Variants in PDXDC1 observed in about 807,000 individuals in gnomAD.
The protein encoded by PDXDC1 is pyridoxal dependent decarboxylase domain containing 1.
Under a neutral mutation model 100.1 loss-of-function variants are expected in PDXDC1, and 42 were observed. The ratio of observed to expected loss-of-function variants is 0.42; its 90% CI spans 0.33 to 0.54. The LOEUF (loss-of-function observed/expected upper bound fraction) is 0.54, where lower values mean the gene tolerates loss of function less well. Among genes scored for constraint, PDXDC1 ranks in the 20% least tolerant of loss-of-function variants. PDXDC1 has a pLI of 0.10. For missense variants in PDXDC1, 636 were observed against 979.2 expected (o/e 0.65, Z 4.68); for synonymous variants, 260 against 371.7 (o/e 0.70, Z 3.46).
chr16:14,995,219 C>A (rs1236937264), intron 1 of PDXDC1, among the ~76,000 whole-genome samples: 1 of 152,276 alleles, frequency 6.6e-6, no homozygotes, highest in Admixed American at 6.5e-5. Context: ...TGTCTTGTGC[C>A]AGTTTTCAAA....
chr16:15,050,095 G>A (rs2044238421), intron 16 of PDXDC1, among the ~76,000 whole-genome samples: 1 of 152,044 alleles, frequency 6.6e-6, no homozygotes, highest in Non-Finnish European at 1.5e-5. Flanking sequence ...AAAACAAAAT[G>A]GATAAGGCAA....
At chr16:15,070,999 T>C in intron 16 of PDXDC1, 1 of 765,254 alleles carries the variant, frequency 1.3e-6, no homozygotes, top group Non-Finnish European at 2.1e-6. Flanking sequence ...TTGCACAGAG[T>C]AGGGATTTTA....
At chr16:15,081,539 T>C (rs1015086811) in intron 16 of PDXDC1, among the ~76,000 whole-genome samples, 1 of 152,218 alleles carries the variant, frequency 6.6e-6, no homozygotes, top group African/African-American at 2.4e-5. Flanking sequence ...TATTTGCCCT[T>C]TTATTATTCA....
At position 15,037,801 on chromosome 16, in the gene PDXDC1, A is replaced by AAAAAAACTGGACATC. The variant is rs2043575662; in HGVS notation, c.*1529_*1543dup. ...CCTCTGCCCGTTATTACCGACCAAA[A>AAAAAAACTGGACATC]AAAAAACTGGACATCAATTTTTTAG... On this transcript the variant is annotated 3_prime_UTR_variant, in exon 23 of 23. Transcript: ENST00000396410. 4 of 451,004 alleles carry AAAAAAACTGGACATC rather than the reference A, an allele frequency of 8.9e-6. No individual in the cohort carries two copies. In the South Asian group the frequency reaches 1.7e-4, roughly 19 times the overall value. The allele number at this position is 451,004 out of a possible 1,614,324, so 27.9% of individuals were successfully genotyped here.
intron 16 of PDXDC1, chr16:15,083,897 G>A (rs1213117460): frequency 4.9e-5 from 14 of 287,594 alleles, no homozygotes; most frequent in Non-Finnish European, 8.0e-5. Flanking sequence ...TGTATTTTTA[G>A]TAGAGACGGG....
intron 16 of PDXDC1, chr16:15,135,415 C>A: frequency 1.5e-6 from 2 of 1,322,210 alleles, no homozygotes; most frequent in Non-Finnish European, 2.1e-6. Flanking sequence ...TCAGCGCACA[C>A]CCGCCAGCCT....
chr16:15,124,694 C>T (rs548286749), intron 16 of PDXDC1, among the ~76,000 whole-genome samples: 1 of 151,746 alleles, frequency 6.6e-6, no homozygotes, highest in Non-Finnish European at 1.5e-5. Context: ...ACAGTTTGAA[C>T]CCGGGAGGCA....
intron 16 of PDXDC1, among the ~76,000 whole-genome samples, chr16:15,075,394 G>T (rs1221194805): frequency 6.6e-6 from 1 of 152,074 alleles, no homozygotes; most frequent in Non-Finnish European, 1.5e-5. Context: ...GCAACACAGT[G>T]AGACCTGTCT....
At chr16:15,097,948 T>A (rs2046415415) in intron 16 of PDXDC1, among the ~76,000 whole-genome samples, 1 of 141,588 alleles carries the variant, frequency 7.1e-6, no homozygotes, top group African/African-American at 2.6e-5. Flanking sequence ...CTTTTTTTTT[T>A]TTTTTTTTTT....
intron 16 of PDXDC1, chr16:15,086,487 C>G (rs961578292): frequency 6.2e-6 from 10 of 1,609,298 alleles, no homozygotes; most frequent in African/African-American, 1.3e-5. Context: ...TTCAAAATCA[C>G]AAATCCTCTA....
At chr16:15,061,566 C>T (rs1773718823) in intron 16 of PDXDC1, 1 of 499,652 alleles carries the variant, frequency 2.0e-6, no homozygotes, top group African/African-American at 1.9e-5. Context: ...GGAACAACAA[C>T]AACAAAAAAA....
rs1195541735 is a variant in PDXDC1 at position 15,124,598 on chromosome 16, C to A, written c.1400-14281C>A. Reference sequence around the variant, plus strand: ...GACCAGCCTGGCCAATATGGTGAAACCCTGTGTCTAATAAAATACAAAAAT... The same window carrying A: ...GACCAGCCTGGCCAATATGGTGAAAACCTGTGTCTAATAAAATACAAAAAT... On this transcript the variant is annotated intron_variant, in intron 16 of 16. Transcript: ENST00000535621. Among the ~76,000 whole-genome samples the A allele has an allele frequency of 5.4e-5, 8 of 147,374 alleles. No homozygotes were observed. In the South Asian group the frequency reaches 1.5e-3, roughly 28 times the overall value.
At chr16:14,992,754 A>AAT (rs1971118302) in intron 1 of PDXDC1, among the ~76,000 whole-genome samples, 1 of 152,284 alleles carries the variant, frequency 6.6e-6, no homozygotes, top group Non-Finnish European at 1.5e-5. Flanking sequence ...GTCGTTTATT[A>AAT]GCTCTATGGC....
chr16:15,074,069 T>C (rs2045349459), intron 16 of PDXDC1, among the ~76,000 whole-genome samples: 1 of 152,220 alleles, frequency 6.6e-6, no homozygotes, highest in Admixed American at 6.5e-5. Context: ...TTCAAAATGC[T>C]CACAATGGTT....
intron 16 of PDXDC1, chr16:15,091,276 G>C (rs374371295): frequency 6.2e-7 from 1 of 1,603,864 alleles, no homozygotes; most frequent in African/African-American, 1.3e-5. Flanking sequence ...GTATACAGTG[G>C]CAATAATTTT....
chr16:15,146,500 G>A, the PDXDC1 span, among the ~76,000 whole-genome samples: 1,249 of 152,174 alleles, frequency 8.2e-3, 27 homozygotes, highest in African/African-American at 0.028. Flanking sequence ...ACACCAGAAC[G>A]CGTCAAAAGG....
intron 16 of PDXDC1, chr16:15,061,500 A>C (rs1452710689): frequency 2.5e-6 from 1 of 401,176 alleles, no homozygotes; most frequent in Admixed American, 4.3e-5. Context: ...TTCCAAATGT[A>C]TCATCAACCC....
rs774233524 is a variant in PDXDC1 at position 15,036,766 on chromosome 16, G to T, written c.*491G>T. ...GGACTGCTAGACTTGAAGGAGAGCA[G>T]TGATTGTGGGATTGTAAATAAGAGC... On this transcript the variant is annotated 3_prime_UTR_variant, in exon 23 of 23. Coordinates refer to ENST00000396410, the MANE Select transcript of PDXDC1 (RefSeq NM_015027.4). The T allele has an allele frequency of 6.2e-6, 1 of 162,204 alleles. No homozygotes were observed. Among genetic ancestry groups the T allele is most frequent in the Non-Finnish European group, 1.4e-5 (1 of 73,286 alleles). 10.0% of individuals were successfully genotyped at this position (162,204 alleles called of 1,614,324 possible).
In PDXDC1 at chr16:15,093,118, C is replaced by T. The variant is rs1356925449; in HGVS notation, c.1400-45761C>T. On this transcript the variant is annotated intron_variant, in intron 16 of 16. Coordinates refer to the PDXDC1 transcript ENST00000535621. The stretch of plus-strand genomic sequence containing the variant: ...CTCCCGGGTTCAAGCAATTATCCTG[C>T]CTCAGCCTCCTGAGTAGCTGGGATT... 2.0e-5 allele frequency among the ~76,000 whole-genome samples: 3 copies of T among 152,096 alleles called. No homozygotes were observed. The East Asian group carries it at 5.8e-4, about 29-fold the overall frequency.
Sources: gnomAD v4.1 joint callset for allele counts (sites outside exome capture counted in the v4.1 genomes callset) on GRCh38, gnomAD v4.1.1 for gene constraint, MANE v1.5 for transcripts, NCBI Gene and HGNC (gene_info 2026-07-23, HGNC 2026-07-21) for gene names.